SHOX2: variants seen among roughly 807,000 people sequenced by gnomAD.
The protein encoded by SHOX2 is SHOX homeobox 2.
SHOX2 carries 13 observed loss-of-function variants against 31.3 expected under a neutral mutation model. That is an observed-to-expected ratio of 0.42 (90% CI 0.27 to 0.66). SHOX2 has a LOEUF of 0.66. Among genes scored for constraint, SHOX2 ranks in the 30% least tolerant of loss-of-function variants. The pLI is 0.27. For synonymous variants in SHOX2, 244 were observed against 196.2 expected (o/e 1.24, Z -2.04); for missense variants, 473 against 443.0 (o/e 1.07, Z -0.61).
intron 1 of SHOX2, chr3:158,105,023 TCCCCCGCCGC>T: frequency 4.9e-6 from 1 of 204,910 alleles, no homozygotes; most frequent in African/African-American, 9.7e-5. Flanking sequence ...GATCCCCACC[TCCCCCGCCGC>T]CCCCCCCCCC....
Position 158,102,828 on chromosome 3 carries a change from C to T in SHOX2, c.405G>A (p.Gln135=), listed in dbSNP as rs376755871. The T allele has an allele frequency of 1.9e-6, 3 of 1,613,980 alleles. No homozygotes were observed. The highest frequency in any genetic ancestry group is 2.7e-5 in the African/African-American group (2 of 74,876). Residue 135 remains glutamine, a synonymous_variant, in exon 2 of 5, where the codon CAG becomes CAA. Transcript: ENST00000483851. The part of the protein sequence containing the change: ...EDAKGMEDEG[Q]TKIKQRRSRT... ...GACTTCGCCTCTGCTTGATTTTGGT[C>T]TGGCCTTCGTCCTCCATCCCTTTCG...
intron 3 of SHOX2, 24 bp from the exon 4 acceptor site, chr3:158,099,972 T>C: frequency 6.3e-7 from 1 of 1,589,318 alleles, no homozygotes; most frequent in South Asian, 1.1e-5. Flanking sequence ...AAGAGAAAAA[T>C]AATGTGAGGT....
rs761764029 is a variant in SHOX2, at chr3:158,102,886, A to T, written c.347T>A (p.Val116Glu). The change falls in exon 2 of 5, where the codon GTG becomes GAG. Residue 116 changes from valine (V) to glutamate (E), a missense_variant and splice_region_variant. Coordinates refer to ENST00000483851, the MANE Select transcript of SHOX2 (RefSeq NM_001163678.2). ...TTTGCGATCTTTCAGCTCCGGGGAC[A>T]CTGGAGGGGGCACCCCAGCGGGGCC... is the stretch of plus-strand genomic sequence containing the variant. ...REPGSPRLTEVSPELKDRKED... is the reference protein window; with the variant it reads ...REPGSPRLTEESPELKDRKED... The T allele has an allele frequency of 1.9e-6, 3 of 1,613,708 alleles. No homozygotes were observed. In the African/African-American group the frequency reaches 4.0e-5, roughly 22 times the overall value.
intron 4 of SHOX2, among the ~76,000 whole-genome samples, chr3:158,099,646 G>T (rs62288262): frequency 3.3e-5 from 5 of 152,016 alleles, no homozygotes; most frequent in African/African-American, 1.2e-4. Context: ...GGCCCCTTCA[G>T]GGATTCCCAT....
chr3:158,103,556 T>A (rs1220041366), intron 1 of SHOX2: 2 of 152,832 alleles, frequency 1.3e-5, no homozygotes, highest in Non-Finnish European at 2.9e-5. Context: ...TAAGGTCCCC[T>A]GGACAGCCAG....
intron 3 of SHOX2, 53 bp from the exon 4 acceptor site, chr3:158,100,001 T>C: frequency 1.3e-6 from 2 of 1,495,914 alleles, no homozygotes; most frequent in Non-Finnish European, 1.9e-6. Context: ...GTAGCATTTT[T>C]CAGGGTTCCA....
rs1713845797 is a variant in SHOX2 at position 158,105,586 on chromosome 3, C to T, written c.346+93G>A. ...CCAGGGCCCTCTCCGTGTCCCTCTC[C>T]CCTCCCCGCTGGGCCTCGGAGTCCT... is the stretch of plus-strand genomic sequence containing the variant. On this transcript the variant is annotated intron_variant, in intron 1 of 4. Coordinates refer to ENST00000483851, the MANE Select transcript of SHOX2 (RefSeq NM_001163678.2). 2.3e-5 allele frequency: 27 copies of T among 1,183,462 alleles called. 1 individual carries two copies. The South Asian group carries it at 3.4e-4, about 15-fold the overall frequency. The allele number at this position is 1,183,462 out of a possible 1,614,324, so 73.3% of individuals were successfully genotyped here. A position where few individuals can be genotyped will look rare whatever the true frequency, so the allele number is the denominator to read the frequency against.
rs910581490 is a variant in SHOX2 at position 158,096,618 on chromosome 3, A to AG, written c.*1408dup. The AG allele has an allele frequency of 5.2e-5, 8 of 152,434 alleles. No homozygotes were observed. The South Asian group carries it at 8.3e-4, about 16-fold the overall frequency. 9.4% of individuals were successfully genotyped at this position (152,434 alleles called of 1,614,324 possible). A position where few individuals can be genotyped will look rare whatever the true frequency, so the allele number is the denominator to read the frequency against. On this transcript the variant is annotated 3_prime_UTR_variant, in exon 5 of 5. Coordinates refer to ENST00000483851, the MANE Select transcript of SHOX2 (RefSeq NM_001163678.2). ...TTAAGGTGAATTTGACGGGATAGAG[A>AG]GGGGGAAATAAACCACTGTCTTCAA...
chr3:158,096,985 T>G lies in SHOX2; in HGVS notation c.*1042A>C. 7.0e-6 allele frequency: 1 copy of G among 143,380 alleles called. No homozygotes were observed. Among genetic ancestry groups the G allele is most frequent in the Admixed American group, 7.0e-5 (1 of 14,252 alleles). The allele number at this position is 143,380 out of a possible 1,614,324, so 8.9% of individuals were successfully genotyped here. On this transcript the variant is annotated 3_prime_UTR_variant, in exon 5 of 5. Coordinates refer to ENST00000483851, the MANE Select transcript of SHOX2 (RefSeq NM_001163678.2). ...ATATATATATCAATTTCCAGATACT[T>G]TTGGTATTGTTTTTCATAGTGAAGA... is the stretch of plus-strand genomic sequence containing the variant.
In SHOX2 at chr3:158,106,260, GA is replaced by G. The variant is rs1414652646; in HGVS notation, c.-237del. ...AGAGGAGGAGGAGGAAGAAGAGGAA[GA>G]GGGGGAGAAGGGTGAAGAGGAGAGG... On this transcript the variant is annotated 5_prime_UTR_variant, in exon 1 of 5. Coordinates refer to ENST00000483851, the MANE Select transcript of SHOX2 (RefSeq NM_001163678.2). 2.5e-5 allele frequency: 15 copies of G among 598,224 alleles called. No homozygotes were observed. Among genetic ancestry groups the G allele is most frequent in the Non-Finnish European group, 4.1e-5 (15 of 366,388 alleles). The allele number at this position is 598,224 out of a possible 1,614,324, so 37.1% of individuals were successfully genotyped here.
At position 158,097,299 on chromosome 3, in the gene SHOX2, G is replaced by T. The variant is rs6441173; in HGVS notation, c.*728C>A. The T allele has an allele frequency of 6.6e-6, 1 of 152,620 alleles. No individual in the cohort carries two copies. The highest frequency in any genetic ancestry group is 6.5e-5 in the Admixed American group (1 of 15,296). 9.5% of individuals were successfully genotyped at this position (152,620 alleles called of 1,614,324 possible). The stretch of plus-strand genomic sequence containing the variant: ...CCGCCTCTCTCATCAAATTTCTCGT[G>T]TTAACGTGAACTTCGCAGAAAAAGG... On this transcript the variant is annotated 3_prime_UTR_variant, in exon 5 of 5. Transcript: ENST00000483851.
Position 158,106,189 on chromosome 3 carries a change from G to C in SHOX2, c.-165C>G. The C allele has an allele frequency of 8.8e-7, 1 of 1,139,668 alleles. No homozygotes were observed. Among genetic ancestry groups the C allele is most frequent in the Non-Finnish European group, 1.2e-6 (1 of 829,718 alleles). The allele number at this position is 1,139,668 out of a possible 1,614,324, so 70.6% of individuals were successfully genotyped here. ...AGAAAGAAGAAGAAAAAGAGGAGAA[G>C]AAAGAAGAAAGAGGAGGAGAAGTAG... On this transcript the variant is annotated 5_prime_UTR_variant, in exon 1 of 5. Coordinates refer to ENST00000483851, the MANE Select transcript of SHOX2 (RefSeq NM_001163678.2).
At chr3:158,100,072 C>T in intron 3 of SHOX2, 124 bp from the exon 4 acceptor site, 2 of 958,024 alleles carry the variant, frequency 2.1e-6, no homozygotes, top group Middle Eastern at 4.3e-4. Context: ...AAACTGCATC[C>T]AAAATTTAAA....
At position 158,098,004 on chromosome 3, in the gene SHOX2, C is replaced by A. The variant is rs773783159; in HGVS notation, c.*23G>T. The A allele has an allele frequency of 6.4e-7, 1 of 1,567,946 alleles. No homozygotes were observed. ...CAGGCTGAGTGCCGCGGGACAGGCGCGACATTGGTGCTGGCGTTGGCGTCA... is the reference window on the plus strand; with the variant it reads ...CAGGCTGAGTGCCGCGGGACAGGCGAGACATTGGTGCTGGCGTTGGCGTCA... On this transcript the variant is annotated 3_prime_UTR_variant, in exon 5 of 5. Transcript: ENST00000483851.
intron 4 of SHOX2, 119 bp from the exon 5 acceptor site, chr3:158,098,403 G>A (rs1331970842): frequency 7.8e-7 from 1 of 1,280,136 alleles, no homozygotes; most frequent in East Asian, 2.3e-5. Flanking sequence ...TTGGGCACGG[G>A]GAGAGGGCAT....
Position 158,096,884 on chromosome 3 carries a change from G to A in SHOX2, c.*1143C>T, listed in dbSNP as rs1228918190. The stretch of plus-strand genomic sequence containing the variant: ...CTTTTGTTCCCCAGGATCAAAGACA[G>A]GGCAAATATATATATATATATATAT... On this transcript the variant is annotated 3_prime_UTR_variant, in exon 5 of 5. Transcript: ENST00000483851. 1.4e-4 allele frequency: 5 copies of A among 35,308 alleles called. No homozygotes were observed. Among genetic ancestry groups the A allele is most frequent in the African/African-American group, 5.3e-4 (5 of 9,458 alleles). The allele number at this position is 35,308 out of a possible 1,614,324, so 2.2% of individuals were successfully genotyped here.
intron 1 of SHOX2, 147 bp from the exon 2 acceptor site, chr3:158,103,033 C>A: frequency 2.5e-6 from 2 of 795,164 alleles, no homozygotes; most frequent in Non-Finnish European, 4.1e-6. Context: ...CTCGTGGAAT[C>A]CTGGTCCGGC....
In SHOX2 at chr3:158,097,713, C is replaced by G; in HGVS notation, c.*314G>C. 3.1e-6 allele frequency: 1 copy of G among 322,952 alleles called. No individual in the cohort carries two copies. The highest frequency in any genetic ancestry group is 8.0e-4 in the Middle Eastern group (1 of 1,246). The allele number at this position is 322,952 out of a possible 1,614,324, so 20.0% of individuals were successfully genotyped here. A position where few individuals can be genotyped will look rare whatever the true frequency, so the allele number is the denominator to read the frequency against. ...TTGCAGCTTTGCGGTGAGCCAAACTCCGCGGTTCCAGCACTCCCCTGTCCA... is the reference window on the plus strand; with the variant it reads ...TTGCAGCTTTGCGGTGAGCCAAACTGCGCGGTTCCAGCACTCCCCTGTCCA... On this transcript the variant is annotated 3_prime_UTR_variant, in exon 5 of 5. Transcript: ENST00000483851.
chr3:158,098,449 A>G, intron 4 of SHOX2, 165 bp from the exon 5 acceptor site: 1 of 818,452 alleles, frequency 1.2e-6, no homozygotes, highest in Non-Finnish European at 1.9e-6. Flanking sequence ...TGACCTTCTC[A>G]GCCTGTTGCT....
Sources: allele counts gnomAD v4.1 joint callset (sites outside exome capture counted in the v4.1 genomes callset), GRCh38; gene constraint gnomAD v4.1.1; transcripts MANE v1.5; gene names NCBI Gene and HGNC (gene_info 2026-07-23, HGNC 2026-07-21).